HOMER1: variants seen among roughly 807,000 people sequenced by gnomAD.
HOMER1 encodes homer scaffold protein 1.
HOMER1 carries 3 observed loss-of-function variants against 48.9 expected under a neutral mutation model. The ratio of observed to expected loss-of-function variants is 0.06; its 90% CI spans 0.03 to 0.16. The LOEUF (loss-of-function observed/expected upper bound fraction) is 0.16. Ranked by LOEUF, HOMER1 falls within the 10% of genes least tolerant of loss-of-function variation. The probability of loss-of-function intolerance (pLI) is 1.00; values close to 1 mark genes in which losing one functional copy is unlikely to be tolerated. For synonymous variants in HOMER1, 134 were observed against 146.4 expected (o/e 0.92, Z 0.61); for missense variants, 247 against 411.4 (o/e 0.60, Z 3.46).
At chr5:79,414,020 A>G (rs1749875261) in intron 5 of HOMER1, among the ~76,000 whole-genome samples, 1 of 152,176 alleles carries the variant, frequency 6.6e-6, no homozygotes, top group Non-Finnish European at 1.5e-5. Flanking sequence ...CAAGTCATTA[A>G]CTTACTAAAC....
At chr5:79,503,095 A>C (rs1752650125) in intron 1 of HOMER1, among the ~76,000 whole-genome samples, 1 of 152,146 alleles carries the variant, frequency 6.6e-6, no homozygotes, top group Admixed American at 6.5e-5. Context: ...CCTGCATGTA[A>C]CTTTTAACTC....
chr5:79,379,070 C>A (rs912863910), intron 8 of HOMER1, among the ~76,000 whole-genome samples: 7 of 47,810 alleles, frequency 1.5e-4, no homozygotes, highest in African/African-American at 6.4e-4. Flanking sequence ...TAGGTGTCTA[C>A]CTTTTGTCCA....
chr5:79,427,245 C>T (rs965272805), intron 5 of HOMER1, among the ~76,000 whole-genome samples: 8 of 152,182 alleles, frequency 5.3e-5, no homozygotes, highest in Non-Finnish European at 7.4e-5. Context: ...AAGTCTTTTT[C>T]TAGAGTAATA....
chr5:79,435,887 G>A (rs1750567070), intron 5 of HOMER1, among the ~76,000 whole-genome samples: 1 of 150,730 alleles, frequency 6.6e-6, no homozygotes, highest in Non-Finnish European at 1.5e-5. Flanking sequence ...AGCACTTTGG[G>A]AGGCCGAGGC....
At chr5:79,474,920 T>C (rs1751720170) in intron 1 of HOMER1, among the ~76,000 whole-genome samples, 1 of 152,238 alleles carries the variant, frequency 6.6e-6, no homozygotes, top group South Asian at 2.1e-4. Flanking sequence ...ATTTTCCTTT[T>C]ATAAATTGAG....
At chr5:79,384,942 G>A (rs887814381) in intron 8 of HOMER1, among the ~76,000 whole-genome samples, 7 of 151,948 alleles carry the variant, frequency 4.6e-5, no homozygotes, top group Non-Finnish European at 7.4e-5. Context: ...ATTCAACATC[G>A]CTTCATGATA....
At chr5:79,403,374 A>G (rs1749581747) in intron 5 of HOMER1, among the ~76,000 whole-genome samples, 1 of 152,166 alleles carries the variant, frequency 6.6e-6, no homozygotes, top group Admixed American at 6.5e-5. Context: ...AGTTTTCATC[A>G]CCAAGATTTC....
chr5:79,471,122 C>T lies in HOMER1; in HGVS notation c.6-14104G>A, dbSNP rs150787549. ...TGTTAAAGTGGGTTGGATGGTGAGT[C>T]CTTTTCTGTATATCTGGAACATTCA... On this transcript the variant is annotated intron_variant, in intron 1 of 8. Coordinates refer to ENST00000334082, the MANE Select transcript of HOMER1 (RefSeq NM_004272.5). Among the ~76,000 whole-genome samples, 1,507 of 152,164 alleles carry T rather than the reference C, an allele frequency of 9.9e-3. 8 individuals carry two copies. Among genetic ancestry groups the T allele is most frequent in the Non-Finnish European group, 0.013 (906 of 67,998 alleles).
At chr5:79,428,516 G>A (rs1208773822) in intron 5 of HOMER1, among the ~76,000 whole-genome samples, 2 of 151,942 alleles carry the variant, frequency 1.3e-5, no homozygotes, top group Non-Finnish European at 2.9e-5. Flanking sequence ...ATTTACAGAT[G>A]ATATAATTTT....
At chr5:79,512,649 G>T in intron 1 of HOMER1, 121 bp downstream of exon 1, 2 of 917,894 alleles carry the variant, frequency 2.2e-6, no homozygotes, top group Non-Finnish European at 3.5e-6. Flanking sequence ...TTTCTTTAAA[G>T]TATGACCAGC....
At chr5:79,426,499 C>T (rs1375955549) in intron 5 of HOMER1, among the ~76,000 whole-genome samples, 1 of 151,918 alleles carries the variant, frequency 6.6e-6, no homozygotes, top group Non-Finnish European at 1.5e-5. Context: ...TTTGCAACAA[C>T]ATGAATGGAA....
intron 1 of HOMER1, among the ~76,000 whole-genome samples, chr5:79,505,097 C>A (rs1270884404): frequency 6.6e-6 from 1 of 152,024 alleles, no homozygotes; most frequent in Non-Finnish European, 1.5e-5. Flanking sequence ...CCCATCTCTA[C>A]CAAAAATACA....
intron 4 of HOMER1, among the ~76,000 whole-genome samples, chr5:79,441,959 C>CT (rs1750747791): frequency 7.0e-6 from 1 of 142,142 alleles, no homozygotes. Flanking sequence ...TTCAGTTATT[C>CT]TTTTTTGGGG....
intron 1 of HOMER1, among the ~76,000 whole-genome samples, chr5:79,467,931 C>T (rs1051905516): frequency 1.3e-5 from 2 of 152,120 alleles, no homozygotes; most frequent in Non-Finnish European, 1.5e-5. Context: ...TGAGCGTGCA[C>T]CACCACATCC....
At chr5:79,493,792 C>A (rs1752351541) in intron 1 of HOMER1, among the ~76,000 whole-genome samples, 1 of 152,086 alleles carries the variant, frequency 6.6e-6, no homozygotes, top group African/African-American at 2.4e-5. Context: ...ATGCTTAATC[C>A]CATTCTGTAA....
chr5:79,493,215 G>A (rs1469299491), intron 1 of HOMER1, among the ~76,000 whole-genome samples: 1 of 152,136 alleles, frequency 6.6e-6, no homozygotes, highest in East Asian at 1.9e-4. Flanking sequence ...ACCGCACCTG[G>A]CTTGAAAATG....
At chr5:79,491,268 C>T (rs1340143848) in intron 1 of HOMER1, among the ~76,000 whole-genome samples, 2 of 150,500 alleles carry the variant, frequency 1.3e-5, no homozygotes, top group Non-Finnish European at 3.0e-5. Flanking sequence ...CCCATCTCTA[C>T]AAAAAATAGC....
chr5:79,471,278 T>G (rs1219951069), intron 1 of HOMER1, among the ~76,000 whole-genome samples: 1 of 152,040 alleles, frequency 6.6e-6, no homozygotes, highest in Non-Finnish European at 1.5e-5. Flanking sequence ...GAGCGGTGGC[T>G]CATGCCTATG....
At chr5:79,446,990 G>T in intron 4 of HOMER1, 63 bp downstream of exon 4, 1 of 1,018,390 alleles carries the variant, frequency 9.8e-7, no homozygotes, top group Non-Finnish European at 1.6e-6. Flanking sequence ...TTTAATTCTG[G>T]CATGAAGGAT....
Sources: gnomAD v4.1 joint callset for allele counts (sites outside exome capture counted in the v4.1 genomes callset) on GRCh38, gnomAD v4.1.1 for gene constraint, MANE v1.5 for transcripts, NCBI Gene and HGNC (gene_info 2026-07-23, HGNC 2026-07-21) for gene names.